ROPN1: variants seen among roughly 807,000 people sequenced by gnomAD.
ROPN1 encodes ropporin-1A.
A neutral mutation model predicts 20.5 loss-of-function variants in ROPN1; 14 were observed. That is an observed-to-expected ratio of 0.68 (90% CI 0.45 to 1.07). ROPN1 has a LOEUF of 1.07. Among genes scored for constraint, ROPN1 ranks in the 50% least tolerant of loss-of-function variants. ROPN1 has a pLI of 0.00. For missense variants in ROPN1, 169 were observed against 242.8 expected, an observed-to-expected ratio of 0.70 and a Z score of 2.02; for synonymous variants, 76 against 95.7, an observed-to-expected ratio of 0.79 and a Z score of 1.20.
chr3:123,987,286 T>A (rs2038283590), intron 1 of ROPN1, among the ~76,000 whole-genome samples: 1 of 152,248 alleles, frequency 6.6e-6, no homozygotes, highest in Admixed American at 6.5e-5. Context: ...CCAGAGCTGT[T>A]GTGGTTCAAA....
At chr3:123,980,883 C>T (rs1253794107) in intron 1 of ROPN1, among the ~76,000 whole-genome samples, 2 of 152,190 alleles carry the variant, frequency 1.3e-5, no homozygotes, top group Admixed American at 6.5e-5. Flanking sequence ...ATATCATGAA[C>T]ATCTTTCCAT....
chr3:123,981,149 TAAAC>T (rs2038139148), intron 1 of ROPN1, among the ~76,000 whole-genome samples: 2 of 152,160 alleles, frequency 1.3e-5, no homozygotes, highest in South Asian at 2.1e-4. Flanking sequence ...CCTCCACAAA[TAAAC>T]AACAGATCAA....
intron 1 of ROPN1, among the ~76,000 whole-genome samples, chr3:123,985,323 C>T (rs1310468109): frequency 1.3e-5 from 2 of 152,184 alleles, no homozygotes; most frequent in African/African-American, 2.4e-5. Context: ...AATTGCAATG[C>T]ATTTATTATC....
chr3:123,973,706 T>G (rs1267842788), intron 4 of ROPN1, among the ~76,000 whole-genome samples: 2 of 151,922 alleles, frequency 1.3e-5, no homozygotes, highest in South Asian at 4.2e-4. Context: ...CTGGTGAGGG[T>G]CTGTGAAGTA....
intron 1 of ROPN1, among the ~76,000 whole-genome samples, chr3:123,985,118 C>A (rs531892888): frequency 1.2e-4 from 18 of 152,308 alleles, no homozygotes; most frequent in African/African-American, 4.3e-4. Context: ...AAATGTACAA[C>A]CACTTACAAA....
chr3:123,980,410 G>T lies in ROPN1; in HGVS notation c.72C>A (p.Ala24=). 2 of 1,614,168 alleles carry T rather than the reference G, an allele frequency of 1.2e-6. No individual in the cohort carries two copies. The highest frequency in any genetic ancestry group is 4.5e-5 in the East Asian group (2 of 44,880). ...GGTCCTGCGGCTGCACCCTAATGGC[G>T]GCTTTGGCAAACTCCTTCAGCATCT... ...LPKMLKEFAK[A]AIRVQPQDLI... Residue 24 remains alanine, a synonymous_variant, in exon 2 of 6, where the codon GCC becomes GCA. Transcript: ENST00000405845.
At position 123,980,387 on chromosome 3, in the gene ROPN1, TC is replaced by T. The variant is rs780228406; in HGVS notation, c.94del (p.Asp32ThrfsTer21). The T allele has an allele frequency of 1.2e-6, 2 of 1,613,952 alleles. No homozygotes were observed. Among genetic ancestry groups the T allele is most frequent in the African/African-American group, 2.7e-5 (2 of 74,870 alleles). ...GTACTCGGCTGCCCACTGGATGAGG[TC>T]CTGCGGCTGCACCCTAATGGCGGCT... ...AKAAIRVQPQ[D>X]LIQWAADYFE... On this transcript the variant is annotated frameshift_variant, in exon 2 of 6. Transcript: ENST00000405845. LOFTEE classifies it high-confidence loss of function.
chr3:123,980,140 C>G (rs2038107347), intron 2 of ROPN1: 1 of 584,634 alleles, frequency 1.7e-6, no homozygotes, highest in Non-Finnish European at 3.1e-6. Context: ...ACCTGGCGTC[C>G]TACTGCTCAA....
chr3:123,971,913 AG>A (rs2037927363), intron 4 of ROPN1, among the ~76,000 whole-genome samples: 1 of 152,194 alleles, frequency 6.6e-6, no homozygotes, highest in Non-Finnish European at 1.5e-5. Context: ...ACCGTTAAAA[AG>A]ATAAGTTAAA....
At chr3:123,981,976 C>A (rs1294706090) in intron 1 of ROPN1, among the ~76,000 whole-genome samples, 2 of 151,918 alleles carry the variant, frequency 1.3e-5, no homozygotes. Flanking sequence ...GAAAAGTAGA[C>A]AAATAACATG....
At chr3:123,980,754 C>G (rs1227376804) in intron 1 of ROPN1, 1 of 359,872 alleles carries the variant, frequency 2.8e-6, no homozygotes, top group African/African-American at 2.0e-5. Context: ...CAAAAAATTC[C>G]CTAATGATAT....
chr3:123,991,329 G>A lies in ROPN1; in HGVS notation c.-13+593C>T, dbSNP rs1206960314. ...AATAGGTACTAGTAAAAATGAATGC[G>A]TGATAGCAGTCTATGAAGTGCTAGC... is the stretch of plus-strand genomic sequence containing the variant. On this transcript the variant is annotated intron_variant, in intron 1 of 5. Transcript: ENST00000405845. The A allele has an allele frequency of 7.4e-5, 8 of 108,402 alleles. No homozygotes were observed. The Admixed American group carries it at 7.5e-4, about 10-fold the overall frequency. The allele number at this position is 108,402 out of a possible 1,614,324, so 6.7% of individuals were successfully genotyped here. A position where few individuals can be genotyped will look rare whatever the true frequency, so the allele number is the denominator to read the frequency against.
intron 1 of ROPN1, among the ~76,000 whole-genome samples, chr3:123,982,237 A>G (rs2038164554): frequency 6.6e-6 from 1 of 152,256 alleles, no homozygotes; most frequent in Non-Finnish European, 1.5e-5. Flanking sequence ...TGTTTTTGAT[A>G]AAATGATAAA....
intron 4 of ROPN1, among the ~76,000 whole-genome samples, chr3:123,971,048 C>T (rs201806835): frequency 2.7e-5 from 4 of 148,966 alleles, no homozygotes; most frequent in South Asian, 2.1e-4. Context: ...TGATGATGTA[C>T]GGATCATCCT....
chr3:123,982,627 A>T (rs908351351), intron 1 of ROPN1, among the ~76,000 whole-genome samples: 9 of 152,180 alleles, frequency 5.9e-5, no homozygotes, highest in African/African-American at 2.2e-4. Flanking sequence ...AGTTACTCTT[A>T]TAAGTTGTTT....
chr3:123,978,076 A>G (rs1432618137), intron 2 of ROPN1, among the ~76,000 whole-genome samples: 2 of 152,174 alleles, frequency 1.3e-5, no homozygotes, highest in Non-Finnish European at 2.9e-5. Flanking sequence ...GAATTTTGTA[A>G]AAGTCCATTT....
chr3:123,989,069 G>A (rs1196852002), intron 1 of ROPN1, among the ~76,000 whole-genome samples: 1 of 152,190 alleles, frequency 6.6e-6, no homozygotes, highest in East Asian at 1.9e-4. Flanking sequence ...CAAGCCCTCA[G>A]AAGACAGCCG....
rs2038033769 is a variant in ROPN1 at position 123,976,855 on chromosome 3, G to A, written c.234+9C>T. On this transcript the variant is annotated intron_variant, in intron 3 of 5. Coordinates refer to ENST00000405845, the MANE Select transcript of ROPN1 (RefSeq NM_001317774.2). ...TACATTCTCCTCAATGCTGCAGCAG[G>A]GCCCTTACCTGAGAATGCAGGATCT... The A allele has an allele frequency of 1.2e-6, 2 of 1,611,098 alleles. No individual in the cohort carries two copies. Among genetic ancestry groups the A allele is most frequent in the East Asian group, 2.2e-5 (1 of 44,868 alleles).
At chr3:123,982,866 C>T (rs1176791199) in intron 1 of ROPN1, among the ~76,000 whole-genome samples, 1 of 152,214 alleles carries the variant, frequency 6.6e-6, no homozygotes, top group African/African-American at 2.4e-5. Flanking sequence ...CCATTAAGTA[C>T]TAACTCCCTA....
Sources: allele counts gnomAD v4.1 joint callset (sites outside exome capture counted in the v4.1 genomes callset), GRCh38; gene constraint gnomAD v4.1.1; transcripts MANE v1.5; gene names NCBI Gene and HGNC (gene_info 2026-07-23, HGNC 2026-07-21).